Variants in GRAMD2B observed in about 807,000 individuals in gnomAD.
GRAMD2B encodes GRAM domain-containing protein 2B.
In GRAMD2B, 41 loss-of-function variants were observed where a neutral mutation model predicts 59.2. The observed-to-expected ratio is 0.69, with a 90% CI of 0.54 to 0.90. The LOEUF (loss-of-function observed/expected upper bound fraction) is 0.90. Among genes scored for constraint, GRAMD2B ranks in the 40% least tolerant of loss-of-function variants. The pLI is 0.00. For synonymous variants in GRAMD2B, 161 were observed against 182.7 expected (o/e 0.88, Z 0.96); for missense variants, 424 against 500.5 (o/e 0.85, Z 1.46).
At chr5:126,408,428 T>C (rs1331725758) in intron 1 of GRAMD2B, among the ~76,000 whole-genome samples, 1 of 152,066 alleles carries the variant, frequency 6.6e-6, no homozygotes, top group Non-Finnish European at 1.5e-5. Context: ...CATGTGTCTT[T>C]TTGGTACAAT....
chr5:126,443,009 G>A (rs957968217), intron 1 of GRAMD2B, among the ~76,000 whole-genome samples: 12 of 152,084 alleles, frequency 7.9e-5, no homozygotes, highest in Non-Finnish European at 1.5e-4. Flanking sequence ...GATCATTAAT[G>A]GGGATTGTTT....
At chr5:126,369,277 AAT>A (rs1580672421), upstream of GRAMD2B, among the ~76,000 whole-genome samples, 1 of 71,150 alleles carries the variant, frequency 1.4e-5, no homozygotes, top group East Asian at 7.0e-4. Flanking sequence ...TTGTTGAATG[AAT>A]GAATGAATGA....
chr5:126,376,198 G>T (rs1755169277), intron 1 of GRAMD2B, among the ~76,000 whole-genome samples: 1 of 152,212 alleles, frequency 6.6e-6, no homozygotes, highest in South Asian at 2.1e-4. Context: ...TTAGTGTGTA[G>T]AATAGGACAC....
chr5:126,399,075 T>C (rs552563547), intron 1 of GRAMD2B, among the ~76,000 whole-genome samples: 1 of 152,292 alleles, frequency 6.6e-6, no homozygotes, highest in East Asian at 1.9e-4. Context: ...TCTGGTACTG[T>C]TGAGTGGAAA....
chr5:126,423,595 G>T lies in GRAMD2B; in HGVS notation c.-12G>T. On this transcript the variant is annotated 5_prime_UTR_variant, in exon 1 of 14. Coordinates refer to ENST00000285689, the MANE Select transcript of GRAMD2B (RefSeq NM_023927.4). ...CGCGGAAGTCTGAAGGTGCCCTCCAGACACGGCCCCGATGACTGAACTACA... is the reference window on the plus strand; with the variant it reads ...CGCGGAAGTCTGAAGGTGCCCTCCATACACGGCCCCGATGACTGAACTACA... The T allele has an allele frequency of 6.2e-7, 1 of 1,610,658 alleles. No homozygotes were observed. Among genetic ancestry groups the T allele is most frequent in the Non-Finnish European group, 8.5e-7 (1 of 1,178,760 alleles).
intron 1 of GRAMD2B, among the ~76,000 whole-genome samples, chr5:126,371,845 G>A (rs1754784700): frequency 6.6e-6 from 1 of 152,166 alleles, no homozygotes; most frequent in Non-Finnish European, 1.5e-5. Context: ...TGGTCACTAT[G>A]CAATTCCTCA....
At chr5:126,412,795 A>G (rs1758930253) in intron 1 of GRAMD2B, among the ~76,000 whole-genome samples, 1 of 151,980 alleles carries the variant, frequency 6.6e-6, no homozygotes, top group Non-Finnish European at 1.5e-5. Flanking sequence ...AGAATTTGAT[A>G]TTGGTCTATT....
chr5:126,467,781 G>A (rs1768736689), intron 2 of GRAMD2B: 1 of 152,308 alleles, frequency 6.6e-6, no homozygotes, highest in East Asian at 1.9e-4. Context: ...TCAATGGCCT[G>A]TATCTGAAAT....
intron 1 of GRAMD2B, among the ~76,000 whole-genome samples, chr5:126,440,758 G>T (rs1004919246): frequency 2.6e-5 from 4 of 152,076 alleles, no homozygotes; most frequent in African/African-American, 9.7e-5. Flanking sequence ...AAAAAATTGT[G>T]TGACATAATA....
At chr5:126,472,788 G>C (rs1769866899) in intron 4 of GRAMD2B, among the ~76,000 whole-genome samples, 1 of 152,190 alleles carries the variant, frequency 6.6e-6, no homozygotes, top group African/African-American at 2.4e-5. Context: ...GGGGCCCAAA[G>C]TTCCATTCTA....
At chr5:126,423,721 A>T in intron 1 of GRAMD2B, 32 bp downstream of exon 1, 1 of 1,572,012 alleles carries the variant, frequency 6.4e-7, no homozygotes, top group Non-Finnish European at 8.6e-7. Context: ...CCATCCAAGG[A>T]GGTGGGAGGA....
At chr5:126,413,362 C>T (rs1444988555) in intron 1 of GRAMD2B, among the ~76,000 whole-genome samples, 1 of 152,132 alleles carries the variant, frequency 6.6e-6, no homozygotes, top group South Asian at 2.1e-4. Flanking sequence ...TGTTGTTTAT[C>T]CAAAAGTAAT....
At chr5:126,414,076 A>G (rs1192256739) in intron 1 of GRAMD2B, among the ~76,000 whole-genome samples, 1 of 152,204 alleles carries the variant, frequency 6.6e-6, no homozygotes, top group African/African-American at 2.4e-5. Context: ...CTAAAAAAAT[A>G]CCATCGACAA....
chr5:126,403,050 T>G (rs2149742282), intron 1 of GRAMD2B, among the ~76,000 whole-genome samples: 1 of 151,902 alleles, frequency 6.6e-6, no homozygotes, highest in African/African-American at 2.4e-5. Context: ...GAGCCAGGAG[T>G]TAGGATCAAG....
chr5:126,409,444 G>C (rs528071339), intron 1 of GRAMD2B, among the ~76,000 whole-genome samples: 1 of 152,100 alleles, frequency 6.6e-6, no homozygotes, highest in Non-Finnish European at 1.5e-5. Context: ...GCCAGTGATG[G>C]TGAGCATTTT....
chr5:126,370,643 C>A (rs866963907), upstream of GRAMD2B, among the ~76,000 whole-genome samples: 2 of 152,200 alleles, frequency 1.3e-5, no homozygotes, highest in African/African-American at 2.4e-5. Flanking sequence ...TATTCTCCTA[C>A]GTATTTCATT....
intron 1 of GRAMD2B, among the ~76,000 whole-genome samples, chr5:126,405,121 A>T (rs1758159773): frequency 6.6e-6 from 1 of 151,840 alleles, no homozygotes; most frequent in Non-Finnish European, 1.5e-5. Context: ...CCTGACTATG[A>T]CTGGGGATGC....
chr5:126,370,419 G>T (rs1250346372), upstream of GRAMD2B, among the ~76,000 whole-genome samples: 2 of 152,158 alleles, frequency 1.3e-5, no homozygotes, highest in Non-Finnish European at 2.9e-5. Context: ...ATTCTGCAAT[G>T]TCACTGACTA....
At chr5:126,438,420 G>C (rs986588485) in intron 1 of GRAMD2B, among the ~76,000 whole-genome samples, 1 of 152,178 alleles carries the variant, frequency 6.6e-6, no homozygotes, top group African/African-American at 2.4e-5. Context: ...TCTGAAAGTG[G>C]AGGAATGAAT....
Sources: gnomAD v4.1 joint callset for allele counts (sites outside exome capture counted in the v4.1 genomes callset) on GRCh38, gnomAD v4.1.1 for gene constraint, MANE v1.5 for transcripts, NCBI Gene and HGNC (gene_info 2026-07-23, HGNC 2026-07-21) for gene names.